Variants in SMAD5 observed in about 807,000 individuals in gnomAD.
SMAD5 encodes the protein SMAD family member 5, also known as MAD, mothers against decapentaplegic homolog 5.
Under a neutral mutation model 43.1 loss-of-function variants are expected in SMAD5, and 9 were observed. That is an observed-to-expected ratio of 0.21 (90% confidence interval 0.13 to 0.36). SMAD5 has a LOEUF of 0.36. Among genes scored for constraint, SMAD5 ranks in the 10% least tolerant of loss-of-function variants. SMAD5 has a pLI of 1.00. For missense variants in SMAD5, 348 were observed against 574.0 expected, an observed-to-expected ratio of 0.61 and a Z score of 4.02; for synonymous variants, 190 against 192.4, an observed-to-expected ratio of 0.99 and a Z score of 0.10.
rs17169905 is a variant in SMAD5 at position 136,160,755 on chromosome 5, G to A, written c.404-101G>A. On this transcript the variant is annotated intron_variant, in intron 3 of 7. Transcript: ENST00000545279. Reference sequence around the variant, plus strand: ...TTTCTAAAAGTAAATTGTTTTAATAGGTTTACAGTCTTACATGAATCCTTT... The same window carrying A: ...TTTCTAAAAGTAAATTGTTTTAATAAGTTTACAGTCTTACATGAATCCTTT... 3,345 of 1,139,464 alleles carry A rather than the reference G, an allele frequency of 2.9e-3. 75 individuals are homozygous for A. The African/African-American group carries it at 0.045, about 15-fold the overall frequency. 70.6% of individuals were successfully genotyped at this position (1,139,464 alleles called of 1,614,324 possible). A position where few individuals can be genotyped will look rare whatever the true frequency, so the allele number is the denominator to read the frequency against.
At chr5:136,134,749 T>G (rs1429729666) in intron 1 of SMAD5, 1 of 152,268 alleles carries the variant, frequency 6.6e-6, no homozygotes, top group Non-Finnish European at 1.5e-5. Flanking sequence ...ATTTGTGTGA[T>G]TGTTCCTATA....
At chr5:136,174,006 TG>T (rs1288656426) in intron 6 of SMAD5, among the ~76,000 whole-genome samples, 5 of 152,076 alleles carry the variant, frequency 3.3e-5, no homozygotes, top group African/African-American at 4.8e-5. Flanking sequence ...GTCAAATGAC[TG>T]TTTATGATAG....
chr5:136,170,523 C>T (rs927313198), intron 5 of SMAD5, among the ~76,000 whole-genome samples: 5 of 152,034 alleles, frequency 3.3e-5, no homozygotes, highest in Admixed American at 6.6e-5. Context: ...GTCAGTCCTC[C>T]GACTTCATTC....
In SMAD5 at chr5:136,160,839, T is replaced by C. The variant is rs755009590; in HGVS notation, c.404-17T>C. 5.0e-6 allele frequency: 8 copies of C among 1,611,924 alleles called. No individual in the cohort carries two copies. Among genetic ancestry groups the C allele is most frequent in the African/African-American group, 2.7e-5 (2 of 74,940 alleles). ...TTAGTCATTCCTGACAAATGACTTT[T>C]GATTTTTGTTTTTCAGTCTTACCTC... On this transcript the variant is annotated splice_polypyrimidine_tract_variant and intron_variant, in intron 3 of 7. Coordinates refer to ENST00000545279, the MANE Select transcript of SMAD5 (RefSeq NM_005903.7).
chr5:136,152,271 T>A (rs1415571557), intron 2 of SMAD5, among the ~76,000 whole-genome samples: 1 of 152,170 alleles, frequency 6.6e-6, no homozygotes, highest in Non-Finnish European at 1.5e-5. Flanking sequence ...CTGTTGAGAT[T>A]AAACCCTACT....
intron 7 of SMAD5, among the ~76,000 whole-genome samples, chr5:136,175,699 GT>G (rs1181337371): frequency 6.6e-6 from 1 of 152,096 alleles, no homozygotes; most frequent in Non-Finnish European, 1.5e-5. Context: ...CTGTGCATGG[GT>G]TTTTTTCTTT....
chr5:136,172,693 T>C lies in SMAD5; in HGVS notation c.997+38T>C, dbSNP rs559552848. On this transcript the variant is annotated intron_variant, in intron 6 of 7. Transcript: ENST00000545279. Reference sequence around the variant, plus strand: ...TTTTCCTACATTTAATCGAATTCAATCATTTGTTGTACTTGCCATGAACCA... The same window carrying C: ...TTTTCCTACATTTAATCGAATTCAACCATTTGTTGTACTTGCCATGAACCA... 23 of 1,324,768 alleles carry C rather than the reference T, an allele frequency of 1.7e-5. No individual in the cohort carries two copies. In the Admixed American group the frequency reaches 2.7e-4, roughly 15 times the overall value. The allele number at this position is 1,324,768 out of a possible 1,614,324, so 82.1% of individuals were successfully genotyped here.
chr5:136,138,242 C>T (rs935668025), intron 1 of SMAD5, among the ~76,000 whole-genome samples: 1 of 152,100 alleles, frequency 6.6e-6, no homozygotes, highest in Admixed American at 6.5e-5. Flanking sequence ...TCTGTGGGCA[C>T]AGAATAGGCA....
chr5:136,172,365 A>C (rs1228791613), intron 5 of SMAD5, 69 bp from the exon 6 acceptor site: 2 of 912,502 alleles, frequency 2.2e-6, no homozygotes, highest in Non-Finnish European at 3.3e-6. Flanking sequence ...TTGGGTTAAA[A>C]GATAAACACA....
intron 3 of SMAD5, among the ~76,000 whole-genome samples, 161 bp from the exon 4 acceptor site, chr5:136,160,695 T>A (rs770912878): frequency 2.6e-5 from 4 of 152,292 alleles, no homozygotes; most frequent in Middle Eastern, 3.4e-3. Context: ...TCAGTTTTTA[T>A]GTAAATAGAG....
intron 5 of SMAD5, 83 bp downstream of exon 5, chr5:136,163,474 G>A: frequency 8.6e-7 from 1 of 1,159,734 alleles, no homozygotes; most frequent in African/African-American, 1.6e-5. Context: ...CAGCTTTATT[G>A]AGGTATAATT....
intron 6 of SMAD5, among the ~76,000 whole-genome samples, chr5:136,173,018 G>C (rs966348950): frequency 6.6e-6 from 1 of 152,190 alleles, no homozygotes; most frequent in Non-Finnish European, 1.5e-5. Context: ...GGAATATTGT[G>C]TATGAATGCT....
intron 2 of SMAD5, among the ~76,000 whole-genome samples, chr5:136,152,230 T>C (rs1038927910): frequency 7.9e-5 from 12 of 152,138 alleles, no homozygotes; most frequent in African/African-American, 2.9e-4. Flanking sequence ...AGGCTCTCAG[T>C]AAGTGTATTT....
chr5:136,173,760 T>C (rs1172966336), intron 6 of SMAD5, among the ~76,000 whole-genome samples: 1 of 151,916 alleles, frequency 6.6e-6, no homozygotes, highest in African/African-American at 2.4e-5. Flanking sequence ...TTTAGTTATA[T>C]AATTTGAATA....
rs1293107876 is a variant in SMAD5, at chr5:136,153,678, G to A, written c.-83G>A. On this transcript the variant is annotated 5_prime_UTR_variant, in exon 3 of 8. In the 5' UTR this introduces an upstream ATG that the reference lacks. Coordinates refer to ENST00000545279, the MANE Select transcript of SMAD5 (RefSeq NM_005903.7). ...TAATTGGAACTTCTGCTTAGGACCT[G>A]TGTATGACGTTTCACCTGTGATCTG... is the stretch of plus-strand genomic sequence containing the variant. 38 of 1,137,850 alleles carry A rather than the reference G, an allele frequency of 3.3e-5. No homozygotes were observed. Among genetic ancestry groups the A allele is most frequent in the Non-Finnish European group, 4.8e-5 (38 of 792,352 alleles). 70.5% of individuals were successfully genotyped at this position (1,137,850 alleles called of 1,614,324 possible).
intron 1 of SMAD5, among the ~76,000 whole-genome samples, chr5:136,137,105 T>G (rs1752910851): frequency 6.6e-6 from 1 of 151,872 alleles, no homozygotes. Flanking sequence ...GTGACTTTTC[T>G]TCCTCCTTTT....
Position 136,174,593 on chromosome 5 carries a change from G to A in SMAD5, c.1215G>A (p.Glu405=). The change falls in exon 7 of 8, where the codon GAG becomes GAA. Residue 405 remains glutamate (E), a synonymous_variant. Transcript: ENST00000545279. ...ACCATGGGTTTGAGGCAGTATATGA[G>A]CTCACCAAAATGTGTACCATTCGGA... ...SVNHGFEAVY[E]LTKMCTIRMS... is the part of the protein sequence containing the mutation. The A allele has an allele frequency of 6.2e-7, 1 of 1,613,290 alleles. No homozygotes were observed. Among genetic ancestry groups the A allele is most frequent in the Non-Finnish European group, 8.5e-7 (1 of 1,179,298 alleles).
At chr5:136,141,343 C>G (rs1372960519) in intron 1 of SMAD5, among the ~76,000 whole-genome samples, 2 of 152,170 alleles carry the variant, frequency 1.3e-5, no homozygotes, top group Non-Finnish European at 2.9e-5. Flanking sequence ...ACAGGACACA[C>G]TGTGAAAAGT....
chr5:136,155,998 C>T (rs1580780081), intron 3 of SMAD5, among the ~76,000 whole-genome samples: 1 of 152,088 alleles, frequency 6.6e-6, no homozygotes, highest in African/African-American at 2.4e-5. Flanking sequence ...TGTTTATTAC[C>T]TCACAGTTTC....
Sources: allele counts gnomAD v4.1 joint callset (sites outside exome capture counted in the v4.1 genomes callset), GRCh38; gene constraint gnomAD v4.1.1; transcripts MANE v1.5; gene names NCBI Gene and HGNC (gene_info 2026-07-23, HGNC 2026-07-21).